Variants in HPR observed in about 807,000 individuals in gnomAD.
The protein encoded by HPR is Haptoglobin-related locus.
HPR carries 17 observed loss-of-function variants against 18.5 expected under a neutral mutation model. The observed-to-expected ratio is 0.92, with a 90% CI of 0.63 to 1.38. The LOEUF is 1.38. Among genes scored for constraint, HPR ranks in the 40% most tolerant of loss-of-function variants. The probability of loss-of-function intolerance (pLI) is 0.00; values close to 1 mark genes in which losing one functional copy is unlikely to be tolerated. For synonymous variants in HPR, 176 were observed against 165.0 expected, an observed-to-expected ratio of 1.07 and a Z score of -0.51; for missense variants, 457 against 432.4, an observed-to-expected ratio of 1.06 and a Z score of -0.51.
At chr16:72,075,376 T>C (rs993188407) in intron 4 of HPR, among the ~76,000 whole-genome samples, 157 bp downstream of exon 4, 2 of 152,056 alleles carry the variant, frequency 1.3e-5, no homozygotes, top group Middle Eastern at 3.2e-3. Flanking sequence ...ACTTAAGCAG[T>C]TAGGTGATGA....
At position 72,076,538 on chromosome 16, in the gene HPR, G is replaced by A. The variant is rs570854430; in HGVS notation, c.504G>A (p.Gly168=). 15 of 1,614,140 alleles carry A rather than the reference G, an allele frequency of 9.3e-6. No homozygotes were observed. In the East Asian group the frequency reaches 2.7e-4, roughly 29 times the overall value. ...DIAPTLTLYV[G]KKQLVEIEKV... Reference sequence around the variant, plus strand: ...CCCCTACTTTAACACTCTATGTGGGGAAAAAGCAGCTTGTAGAGATTGAGA... The same window carrying A: ...CCCCTACTTTAACACTCTATGTGGGAAAAAAGCAGCTTGTAGAGATTGAGA... The change falls in exon 5 of 5, where the codon GGG becomes GGA. Residue 168 remains glycine, a synonymous_variant. Coordinates refer to ENST00000540303, the MANE Select transcript of HPR (RefSeq NM_020995.4).
chr16:72,075,582 C>A (rs2041710783), intron 4 of HPR, among the ~76,000 whole-genome samples: 1 of 152,198 alleles, frequency 6.6e-6, no homozygotes, highest in Non-Finnish European at 1.5e-5. Flanking sequence ...GGAAGCCTAG[C>A]AGGAGGCTGG....
intron 1 of HPR, among the ~76,000 whole-genome samples, chr16:72,073,446 C>T (rs1216186067): frequency 6.6e-6 from 1 of 152,194 alleles, no homozygotes; most frequent in Non-Finnish European, 1.5e-5. Flanking sequence ...ACTAAGCCCT[C>T]TGTTCCCATC....
At chr16:72,070,724 T>TC (rs1208418152) in intron 1 of HPR, among the ~76,000 whole-genome samples, 1 of 152,194 alleles carries the variant, frequency 6.6e-6, no homozygotes, top group Non-Finnish European at 1.5e-5. Context: ...AGTCATCCTG[T>TC]GTGGAGACAA....
chr16:72,072,146 T>A (rs1274386950), intron 1 of HPR, among the ~76,000 whole-genome samples: 2 of 152,060 alleles, frequency 1.3e-5, no homozygotes, highest in Non-Finnish European at 2.9e-5. Flanking sequence ...GTAGCTGGGA[T>A]TATAAACATG....
chr16:72,070,639 T>G (rs2041644878), intron 1 of HPR, among the ~76,000 whole-genome samples: 1 of 152,232 alleles, frequency 6.6e-6, no homozygotes, highest in Non-Finnish European at 1.5e-5. Context: ...TTCTTTTCTT[T>G]CCAACAGAAG....
At chr16:72,073,421 T>C (rs1049535155) in intron 1 of HPR, among the ~76,000 whole-genome samples, 1 of 152,180 alleles carries the variant, frequency 6.6e-6, no homozygotes, top group African/African-American at 2.4e-5. Context: ...TTTCAAGAAG[T>C]AGAGGGAATA....
At chr16:72,069,106 G>C (rs2041628439) in intron 1 of HPR, among the ~76,000 whole-genome samples, 1 of 152,178 alleles carries the variant, frequency 6.6e-6, no homozygotes, top group Non-Finnish European at 1.5e-5. Context: ...GCCCAAACTT[G>C]TGAACTGTTT....
At chr16:72,074,185 G>A (rs1220493079) in intron 2 of HPR, 99 bp from the exon 3 acceptor site, 9 of 1,273,846 alleles carry the variant, frequency 7.1e-6, no homozygotes, top group South Asian at 4.8e-5. Flanking sequence ...GGGGTAGAAG[G>A]AGATTGATGT....
chr16:72,074,785 G>C (rs1413445340), intron 3 of HPR: 2 of 666,020 alleles, frequency 3.0e-6, no homozygotes, highest in Non-Finnish European at 5.4e-6. Flanking sequence ...CTGAATAGAG[G>C]TTATTATTCT....
chr16:72,067,277 C>T (rs1317539487), intron 1 of HPR, among the ~76,000 whole-genome samples: 8 of 152,224 alleles, frequency 5.3e-5, no homozygotes, highest in South Asian at 2.1e-4. Context: ...GATTCAGGAG[C>T]GGCCTGTTCC....
intron 1 of HPR, among the ~76,000 whole-genome samples, chr16:72,072,635 T>C (rs2041669525): frequency 6.6e-6 from 1 of 152,134 alleles, no homozygotes; most frequent in Non-Finnish European, 1.5e-5. Context: ...TCATGTCTCT[T>C]GCCATCAGAA....
chr16:72,073,861 C>T (rs1389713032), intron 1 of HPR, 31 bp from the exon 2 acceptor site: 4 of 1,613,474 alleles, frequency 2.5e-6, no homozygotes, highest in Non-Finnish European at 3.4e-6. Flanking sequence ...GGGAGACCAG[C>T]TTTCCGCTCC....
rs372466859 is a variant in HPR, at chr16:72,073,549, C to T, written c.6-343C>T. ...GGCTTCTGAATTATTGCCAATGTAC[C>T]TTCCTGACTGCAGCCAGAAACTGAG... On this transcript the variant is annotated intron_variant, in intron 1 of 4. Coordinates refer to ENST00000540303, the MANE Select transcript of HPR (RefSeq NM_020995.4). Among the ~76,000 whole-genome samples the T allele has an allele frequency of 2.2e-4, 33 of 152,192 alleles. 2 individuals are homozygous for T. Among genetic ancestry groups the T allele is most frequent in the Admixed American group, 1.0e-3 (16 of 15,288 alleles).
At chr16:72,075,467 C>T (rs928666974) in intron 4 of HPR, among the ~76,000 whole-genome samples, 6 of 152,228 alleles carry the variant, frequency 3.9e-5, no homozygotes, top group Non-Finnish European at 7.3e-5. Flanking sequence ...GCCCACAGAT[C>T]AGGAGAGCCT....
At position 72,074,316 on chromosome 16, in the gene HPR, A is replaced by AATGGCTAT. The variant is rs1318476718; in HGVS notation, c.125_132dup (p.Val45MetfsTer28). Reference sequence around the variant, plus strand: ...CTTCCCGAAGCCCCCTGAGATTGCAAATGGCTATGTGGAGCACTTGTTTCG... The same window carrying AATGGCTAT: ...CTTCCCGAAGCCCCCTGAGATTGCAAATGGCTATATGGCTATGTGGAGCACTTGTTTCG... On this transcript the variant is annotated frameshift_variant, in exon 3 of 5. Transcript: ENST00000540303. LOFTEE classifies it high-confidence loss of function. 6.2e-7 allele frequency: 1 copy of AATGGCTAT among 1,614,066 alleles called. No individual in the cohort carries two copies. Among genetic ancestry groups the AATGGCTAT allele is most frequent in the Non-Finnish European group, 8.5e-7 (1 of 1,179,982 alleles).
At chr16:72,065,995 C>A (rs1597415344) in intron 1 of HPR, among the ~76,000 whole-genome samples, 1 of 152,188 alleles carries the variant, frequency 6.6e-6, no homozygotes. Flanking sequence ...AACCCTGACT[C>A]TCAGGGGCAG....
rs760913553 is a variant in HPR at position 72,076,782 on chromosome 16, G to A, written c.748G>A (p.Asp250Asn). 12 of 1,614,184 alleles carry A rather than the reference G, an allele frequency of 7.4e-6. No individual in the cohort carries two copies. The highest frequency in any genetic ancestry group is 9.3e-6 in the Non-Finnish European group (11 of 1,180,018). Residue 250 changes from aspartate (D) to asparagine (N), a missense_variant, in exon 5 of 5, where the codon GAT becomes AAT. Asp to Asn is a conservative substitution (Grantham distance 23, BLOSUM62 1). Coordinates refer to ENST00000540303, the MANE Select transcript of HPR (RefSeq NM_020995.4). The part of the protein sequence containing the change: ...YVMLPVADQY[D>N]CITHYEGSTC... ...CATGCTGCCTGTGGCTGACCAATAC[G>A]ATTGCATAACGCATTATGAAGGCAG...
At chr16:72,068,154 A>G (rs2041617295) in intron 1 of HPR, among the ~76,000 whole-genome samples, 1 of 152,172 alleles carries the variant, frequency 6.6e-6, no homozygotes, top group African/African-American at 2.4e-5. Flanking sequence ...TGATATTCTC[A>G]TATCTGGTGA....
Sources: allele counts gnomAD v4.1 joint callset (sites outside exome capture counted in the v4.1 genomes callset), GRCh38; gene constraint gnomAD v4.1.1; transcripts MANE v1.5; gene names NCBI Gene and HGNC (gene_info 2026-07-23, HGNC 2026-07-21).